The following FHIT variants were observed in gnomAD, a reference collection of about 807,000 sequenced individuals.
FHIT encodes fragile histidine triad diadenosine triphosphatase.
FHIT carries 19 observed loss-of-function variants against 17.9 expected under a neutral mutation model. The observed-to-expected ratio is 1.06, with a 90% CI of 0.74 to 1.56. The LOEUF is 1.56. Ranked by LOEUF, FHIT falls within the 40% of genes most tolerant of loss-of-function variation. FHIT has a pLI of 0.00. For synonymous variants in FHIT, 81 were observed against 69.7 expected (o/e 1.16, Z -0.81); for missense variants, 248 against 189.2 (o/e 1.31, Z -1.82).
intron 7 of FHIT, among the ~76,000 whole-genome samples, chr3:59,942,392 T>G (rs1414354938): frequency 1.3e-5 from 2 of 152,274 alleles, no homozygotes; most frequent in African/African-American, 4.8e-5. Flanking sequence ...TGAGCGCAGG[T>G]CTCATTTTCA....
At chr3:61,012,057 C>T (rs987026183) in intron 3 of FHIT, among the ~76,000 whole-genome samples, 3 of 152,158 alleles carry the variant, frequency 2.0e-5, no homozygotes, top group Non-Finnish European at 4.4e-5. Context: ...GTTAAATCTG[C>T]AGTTCCAAGG....
intron 3 of FHIT, among the ~76,000 whole-genome samples, chr3:60,913,513 T>G (rs1706846153): frequency 6.6e-6 from 1 of 152,220 alleles, no homozygotes; most frequent in Non-Finnish European, 1.5e-5. Context: ...TATTAAAGTC[T>G]GAAAAGCACT....
intron 3 of FHIT, among the ~76,000 whole-genome samples, chr3:61,006,334 C>G (rs1284849009): frequency 1.3e-5 from 2 of 152,086 alleles, no homozygotes; most frequent in Non-Finnish European, 2.9e-5. Context: ...CATTTGAACG[C>G]AGCTGAACAA....
intron 5 of FHIT, among the ~76,000 whole-genome samples, chr3:60,285,333 C>T (rs1707673441): frequency 6.6e-6 from 1 of 151,962 alleles, no homozygotes; most frequent in Non-Finnish European, 1.5e-5. Flanking sequence ...CCAGTAATGC[C>T]AAAAATAGGT....
intron 8 of FHIT, among the ~76,000 whole-genome samples, chr3:59,884,685 T>G (rs1345403287): frequency 6.6e-6 from 1 of 152,040 alleles, no homozygotes; most frequent in African/African-American, 2.4e-5. Flanking sequence ...TGAGGGTAGG[T>G]AGGGGAGTCA....
chr3:59,977,111 C>T (rs1226519811), intron 7 of FHIT, among the ~76,000 whole-genome samples: 3 of 152,008 alleles, frequency 2.0e-5, no homozygotes, highest in East Asian at 1.9e-4. Context: ...AGAGAGGGCC[C>T]GGGAACCAAA....
intron 5 of FHIT, among the ~76,000 whole-genome samples, chr3:60,530,923 G>A (rs536068719): frequency 6.6e-6 from 1 of 152,170 alleles, no homozygotes; most frequent in South Asian, 2.1e-4. Flanking sequence ...CCAAGGGTAG[G>A]TGCACATTCA....
rs1704848146 is a variant in FHIT at position 60,114,341 on chromosome 3, C to T, written c.104-100189G>A. On this transcript the variant is annotated intron_variant, in intron 5 of 9. Coordinates refer to ENST00000492590, the MANE Select transcript of FHIT (RefSeq NM_002012.4). ...ATGAGCACACAGATACACAAATAAGCAATAGCATCATGTTTTCAAACAGTC... is the reference window on the plus strand; with the variant it reads ...ATGAGCACACAGATACACAAATAAGTAATAGCATCATGTTTTCAAACAGTC... 1.3e-5 allele frequency among the ~76,000 whole-genome samples: 2 copies of T among 151,156 alleles called. 1 individual carries two copies. The highest frequency in any genetic ancestry group is 4.2e-4 in the South Asian group (2 of 4,810).
chr3:60,030,401 G>A (rs1287306059), intron 5 of FHIT, among the ~76,000 whole-genome samples: 1 of 152,050 alleles, frequency 6.6e-6, no homozygotes, highest in Non-Finnish European at 1.5e-5. Context: ...TAAAAACAGA[G>A]GCCACTTATT....
chr3:60,183,868 TAA>T (rs1702049132), intron 5 of FHIT, among the ~76,000 whole-genome samples: 1 of 152,186 alleles, frequency 6.6e-6, no homozygotes, highest in Admixed American at 6.5e-5. Context: ...AGAAAAATTA[TAA>T]AGAGTTCAGA....
intron 5 of FHIT, among the ~76,000 whole-genome samples, chr3:60,140,486 G>A (rs1483100149): frequency 6.6e-6 from 1 of 151,854 alleles, no homozygotes; most frequent in African/African-American, 2.4e-5. Context: ...TAGTAACATT[G>A]TATGGCCAAT....
intron 5 of FHIT, among the ~76,000 whole-genome samples, chr3:60,223,988 G>T (rs1704075039): frequency 6.6e-6 from 1 of 152,078 alleles, no homozygotes; most frequent in South Asian, 2.1e-4. Flanking sequence ...CTGAACTCTA[G>T]TAGCTTTGAA....
rs1211810241 is a variant in FHIT, at chr3:60,007,660, G to A, written c.279+3711C>T. ...ATTTAATATAAATTTTATGTGCCAT[G>A]GGAGCCTTTAGAAATAAAGACCTAA... On this transcript the variant is annotated intron_variant, in intron 7 of 9. Transcript: ENST00000492590. Among the ~76,000 whole-genome samples the A allele has an allele frequency of 6.6e-5, 10 of 152,144 alleles. No individual in the cohort carries two copies. In the South Asian group the frequency reaches 1.0e-3, roughly 16 times the overall value.
At chr3:60,349,791 T>C (rs1056986202) in intron 5 of FHIT, among the ~76,000 whole-genome samples, 3 of 152,198 alleles carry the variant, frequency 2.0e-5, no homozygotes, top group African/African-American at 7.2e-5. Context: ...CCAGTTCCAT[T>C]GCTGAATTCA....
Position 60,554,979 on chromosome 3 carries a change from ATTC to A in FHIT, c.-17-18003_-17-18001del, listed in dbSNP as rs369611195. On this transcript the variant is annotated intron_variant, in intron 4 of 9. Coordinates refer to ENST00000492590, the MANE Select transcript of FHIT (RefSeq NM_002012.4). ...ACTCCTATTTTAAGTGGTCTACCATATTCTTCTAATATCTAACGGTGTTATTCA... is the reference window on the plus strand; with the variant it reads ...ACTCCTATTTTAAGTGGTCTACCATATTCTAATATCTAACGGTGTTATTCA... Among the ~76,000 whole-genome samples the A allele has an allele frequency of 4.5e-3, 683 of 152,304 alleles. 1 individual carries two copies. Among genetic ancestry groups the A allele is most frequent in the Non-Finnish European group, 7.6e-3 (515 of 68,010 alleles).
intron 1 of FHIT, among the ~76,000 whole-genome samples, chr3:61,216,527 C>T (rs2039680963): frequency 6.6e-6 from 1 of 152,182 alleles, no homozygotes; most frequent in African/African-American, 2.4e-5. Flanking sequence ...GAAATAGGAA[C>T]ACTTTTACAC....
chr3:60,108,415 C>G (rs183355434), intron 5 of FHIT, among the ~76,000 whole-genome samples: 1 of 152,090 alleles, frequency 6.6e-6, no homozygotes, highest in Non-Finnish European at 1.5e-5. Context: ...GGTTCATTGT[C>G]CAGTTTTTCT....
chr3:60,484,184 AT>A (rs1442843898), intron 5 of FHIT, among the ~76,000 whole-genome samples: 1 of 152,134 alleles, frequency 6.6e-6, no homozygotes, highest in Non-Finnish European at 1.5e-5. Context: ...GAGAAAACAA[AT>A]TGGACAACCT....
intron 5 of FHIT, among the ~76,000 whole-genome samples, chr3:60,020,506 A>G (rs11130746): frequency 0.25 from 37,965 of 152,104 alleles, 4,993 homozygotes; most frequent in East Asian, 0.48. Flanking sequence ...CTGTGTATAT[A>G]TTAATATGAA....
Sources: gnomAD v4.1 joint callset for allele counts (sites outside exome capture counted in the v4.1 genomes callset) on GRCh38, gnomAD v4.1.1 for gene constraint, MANE v1.5 for transcripts, NCBI Gene and HGNC (gene_info 2026-07-23, HGNC 2026-07-21) for gene names.